The following ABCB4 variants were observed in gnomAD, a reference collection of about 807,000 sequenced individuals.
The protein encoded by ABCB4 is phosphatidylcholine translocator ABCB4.
In ABCB4, 76 loss-of-function variants were observed where a neutral mutation model predicts 145.7. The observed-to-expected ratio is 0.52, with a 90% CI of 0.43 to 0.63. The LOEUF is 0.63. Ranked by LOEUF, ABCB4 falls within the 30% of genes least tolerant of loss-of-function variation. The pLI, the probability that ABCB4 is intolerant of heterozygous loss-of-function variation, is 0.00. For missense variants in ABCB4, 1,234 were observed against 1,553.1 expected (o/e 0.79, Z 3.45); for synonymous variants, 517 against 566.8 (o/e 0.91, Z 1.25).
At chr7:87,441,882 A>G (rs1584744712) in intron 12 of ABCB4, among the ~76,000 whole-genome samples, 1 of 152,352 alleles carries the variant, frequency 6.6e-6, no homozygotes, top group South Asian at 2.1e-4. Context: ...CACAAGCATT[A>G]GCCACCATGT....
chr7:87,385,613 G>A, the ABCB4 span, among the ~76,000 whole-genome samples: 8,837 of 152,216 alleles, frequency 0.058, 317 homozygotes, highest in South Asian at 0.16. Flanking sequence ...ATTAGATCAT[G>A]TCATCTGCAG....
At chr7:87,406,877 C>G (rs1327069033) in intron 25 of ABCB4, among the ~76,000 whole-genome samples, 1 of 152,154 alleles carries the variant, frequency 6.6e-6, no homozygotes, top group Non-Finnish European at 1.5e-5. Context: ...TTTCCCCTTC[C>G]CCCATGCACA....
chr7:87,429,916 A>T (rs73705206), intron 15 of ABCB4, among the ~76,000 whole-genome samples: 5,771 of 136,168 alleles, frequency 0.042, 354 homozygotes, highest in African/African-American at 0.18. Flanking sequence ...TTTTTTTTTA[A>T]AAAAAAAAAA....
chr7:87,419,954 G>T (rs1809298345), intron 19 of ABCB4, 44 bp downstream of exon 19: 2 of 1,571,098 alleles, frequency 1.3e-6, no homozygotes, highest in East Asian at 2.2e-5. Context: ...TAATATGGAA[G>T]AAATGTGAAA....
intron 4 of ABCB4, among the ~76,000 whole-genome samples, chr7:87,459,808 G>T (rs1005262147): frequency 6.6e-6 from 1 of 152,142 alleles, no homozygotes; most frequent in Non-Finnish European, 1.5e-5. Context: ...TAATATCTGC[G>T]ACACTTGAAA....
At position 87,413,598 on chromosome 7, in the gene ABCB4, G is replaced by A. The variant is rs906301166; in HGVS notation, c.2783+19C>T. The stretch of plus-strand genomic sequence containing the variant: ...TAGGAAAGCACTAGGTTCTTAGCAG[G>A]AATCATATGGTTCATTACCTGTAAG... On this transcript the variant is annotated intron_variant, in intron 22 of 27. Transcript: ENST00000649586. 1 of 1,452,050 alleles carries A rather than the reference G, an allele frequency of 6.9e-7. No individual in the cohort carries two copies. The highest frequency in any genetic ancestry group is 2.3e-5 in the East Asian group (1 of 44,006). 89.9% of individuals were successfully genotyped at this position (1,452,050 alleles called of 1,614,324 possible).
intron 1 of ABCB4, 49 bp from the exon 2 acceptor site, chr7:87,475,520 C>A (rs1313801285): frequency 1.3e-6 from 2 of 1,597,942 alleles, no homozygotes; most frequent in East Asian, 2.2e-5. Flanking sequence ...CTCCGGCGGC[C>A]CGGCGCACGA....
At chr7:87,472,150 A>G (rs1423679043) in intron 3 of ABCB4, among the ~76,000 whole-genome samples, 1 of 152,166 alleles carries the variant, frequency 6.6e-6, no homozygotes, top group Non-Finnish European at 1.5e-5. Context: ...TGGGTCATTG[A>G]CTATAATAAG....
the ABCB4 span, among the ~76,000 whole-genome samples, chr7:87,395,854 A>G: frequency 1.3e-5 from 2 of 152,154 alleles, no homozygotes; most frequent in Non-Finnish European, 2.9e-5. Flanking sequence ...TTTAAGGCTC[A>G]TTACATGCAG....
At position 87,426,852 on chromosome 7, in the gene ABCB4, G is replaced by T; in HGVS notation, c.1962C>A (p.Ala654=). Residue 654 remains alanine (A), a synonymous_variant, in exon 16 of 28, where the codon GCC becomes GCA. Transcript: ENST00000649586. ...LNDEKAATRM[A]PNGWKSRLFR... is the part of the protein sequence containing the mutation. ...ATAGGCGAGATTTCCAGCCATTTGGGGCCATTCTAGTGGCAGCCTTTTCAT... is the reference window on the plus strand; with the variant it reads ...ATAGGCGAGATTTCCAGCCATTTGGTGCCATTCTAGTGGCAGCCTTTTCAT... 6.2e-7 allele frequency: 1 copy of T among 1,613,840 alleles called. No homozygotes were observed. Among genetic ancestry groups the T allele is most frequent in the Non-Finnish European group, 8.5e-7 (1 of 1,179,958 alleles).
chr7:87,466,503 A>C (rs1812915368), intron 3 of ABCB4, among the ~76,000 whole-genome samples: 1 of 152,258 alleles, frequency 6.6e-6, no homozygotes, highest in Admixed American at 6.5e-5. Context: ...GAACTTCCCC[A>C]ATCTAGCAAG....
the ABCB4 span, among the ~76,000 whole-genome samples, chr7:87,385,268 T>C: frequency 1.3e-5 from 2 of 152,110 alleles, no homozygotes; most frequent in African/African-American, 2.4e-5. Context: ...GCATTGAATA[T>C]GTAGATTGCT....
chr7:87,419,799 A>C (rs956555878), intron 19 of ABCB4, among the ~76,000 whole-genome samples, 199 bp downstream of exon 19: 11 of 148,396 alleles, frequency 7.4e-5, no homozygotes, highest in African/African-American at 7.8e-5. Flanking sequence ...AAAAAAAACA[A>C]AAACAAAAAA....
intron 14 of ABCB4, among the ~76,000 whole-genome samples, chr7:87,438,454 A>C (rs1312282714): frequency 6.6e-6 from 1 of 152,202 alleles, no homozygotes; most frequent in Non-Finnish European, 1.5e-5. Context: ...ATATAAAATA[A>C]GTCAAGATAT....
At chr7:87,438,161 A>AT (rs1318031601) in intron 14 of ABCB4, among the ~76,000 whole-genome samples, 1 of 151,944 alleles carries the variant, frequency 6.6e-6, no homozygotes, top group Admixed American at 6.6e-5. Context: ...TTTGTTTTTG[A>AT]TTTTTTGGTA....
At chr7:87,405,161 A>G (rs1199266279) in intron 26 of ABCB4, among the ~76,000 whole-genome samples, 1 of 152,260 alleles carries the variant, frequency 6.6e-6, no homozygotes, top group Non-Finnish European at 1.5e-5. Context: ...GTACATCCAC[A>G]CTGTGGAATA....
chr7:87,454,383 A>T, intron 5 of ABCB4, 152 bp downstream of exon 5: 1 of 640,704 alleles, frequency 1.6e-6, no homozygotes, highest in Non-Finnish European at 2.7e-6. Flanking sequence ...TGATGTGTGC[A>T]TCTTACTTTA....
the ABCB4 span, among the ~76,000 whole-genome samples, chr7:87,389,670 T>C: frequency 1.3e-5 from 2 of 152,082 alleles, no homozygotes; most frequent in Non-Finnish European, 2.9e-5. Flanking sequence ...ATGCCTAATG[T>C]AGATGATGGG....
At position 87,406,497 on chromosome 7, in the gene ABCB4, G is replaced by A; in HGVS notation, c.3280-3C>T. 6.2e-7 allele frequency: 1 copy of A among 1,613,174 alleles called. No homozygotes were observed. The stretch of plus-strand genomic sequence containing the variant: ...TTTGCTTCTTGACCATCGAGAAGCT[G>A]AAAACCAAAGTCCACAAACTATAAG... On this transcript the variant is annotated splice_region_variant and splice_polypyrimidine_tract_variant and intron_variant, in intron 25 of 27. Coordinates refer to ENST00000649586, the MANE Select transcript of ABCB4 (RefSeq NM_000443.4).
Sources: gnomAD v4.1 joint callset for allele counts (sites outside exome capture counted in the v4.1 genomes callset) on GRCh38, gnomAD v4.1.1 for gene constraint, MANE v1.5 for transcripts, NCBI Gene and HGNC (gene_info 2026-07-23, HGNC 2026-07-21) for gene names.